The following RHOT1 variants were observed in gnomAD, a reference collection of about 807,000 sequenced individuals.
The protein encoded by RHOT1 is mitochondrial Rho GTPase 1.
Under a neutral mutation model 95.3 loss-of-function variants are expected in RHOT1, and 27 were observed. The observed-to-expected ratio is 0.28, with a 90% confidence interval of 0.21 to 0.39. RHOT1 has a LOEUF of 0.39. Among genes scored for constraint, RHOT1 ranks in the 10% least tolerant of loss-of-function variants. The pLI is 1.00. For missense variants in RHOT1, 578 were observed against 786.7 expected, an observed-to-expected ratio of 0.73 and a Z score of 3.17; for synonymous variants, 227 against 263.5, an observed-to-expected ratio of 0.86 and a Z score of 1.34.
intron 6 of RHOT1, among the ~76,000 whole-genome samples, chr17:32,178,527 T>C (rs1598363689): frequency 1.3e-5 from 2 of 152,104 alleles, no homozygotes; most frequent in East Asian, 3.9e-4. Flanking sequence ...AGTGGTGGGA[T>C]CTCGGCTCGC....
chr17:32,214,478 C>T (rs1167321073), intron 19 of RHOT1, among the ~76,000 whole-genome samples: 1 of 152,288 alleles, frequency 6.6e-6, no homozygotes, highest in South Asian at 2.1e-4. Flanking sequence ...CTTGCAACCT[C>T]AGTCTTAAGG....
rs137977243 is a variant in RHOT1 at position 32,206,393 on chromosome 17, A to G, written c.1417-517A>G. Among the ~76,000 whole-genome samples the G allele has an allele frequency of 5.7e-3, 677 of 118,428 alleles. 3 individuals carry two copies. The highest frequency in any genetic ancestry group is 0.015 in the Middle Eastern group (2 of 136). 77.7% of individuals were successfully genotyped at this position (118,428 alleles called of 152,430 possible). ...GCTAAGCTTCCACAGAATCTTAATC[A>G]CCATTTTTAGTCTGCAGAATCAGAA... On this transcript the variant is annotated intron_variant, in intron 16 of 19. Transcript: ENST00000545287.
intron 1 of RHOT1, among the ~76,000 whole-genome samples, chr17:32,161,269 C>T (rs796810325): frequency 1.3e-5 from 2 of 152,164 alleles, no homozygotes; most frequent in Non-Finnish European, 2.9e-5. Context: ...AAACGTTCCT[C>T]GTGCTCAGTC....
At chr17:32,194,991 AATTTTTTGTAT>A (rs1415448558) in intron 11 of RHOT1, among the ~76,000 whole-genome samples, 1 of 151,816 alleles carries the variant, frequency 6.6e-6, no homozygotes, top group Middle Eastern at 3.2e-3. Context: ...ATGCCCGGCT[AATTTTTTGTAT>A]ATTTAGTAGA....
intron 19 of RHOT1, 103 bp from the exon 20 acceptor site, chr17:32,224,513 G>A: frequency 1.5e-6 from 1 of 683,014 alleles, no homozygotes; most frequent in Non-Finnish European, 2.5e-6. Context: ...CAGTTAGCTT[G>A]ACAAGTGTGC....
intron 19 of RHOT1, among the ~76,000 whole-genome samples, chr17:32,212,042 G>T (rs141967765): frequency 1.3e-5 from 2 of 152,288 alleles, no homozygotes; most frequent in East Asian, 3.9e-4. Flanking sequence ...ATACTAATTT[G>T]TACCTGATGT....
Position 32,211,313 on chromosome 17 carries a change from T to C in RHOT1, c.1862+75T>C, listed in dbSNP as rs536883620. 4.4e-6 allele frequency: 6 copies of C among 1,367,742 alleles called. No homozygotes were observed. In the South Asian group the frequency reaches 8.2e-5, roughly 19 times the overall value. The allele number at this position is 1,367,742 out of a possible 1,614,324, so 84.7% of individuals were successfully genotyped here. ...GAAAAAAGCGGATAACTATTTATTA[T>C]ACAGATACTCACTACAAAGACAAGC... On this transcript the variant is annotated intron_variant, in intron 19 of 19. Coordinates refer to ENST00000545287, the MANE Select transcript of RHOT1 (RefSeq NM_001033566.3).
At chr17:32,203,769 T>A in intron 15 of RHOT1, 121 bp from the exon 16 acceptor site, 2 of 690,386 alleles carry the variant, frequency 2.9e-6, no homozygotes, top group Admixed American at 5.3e-5. Flanking sequence ...TGATAAATAG[T>A]ACACAGTGTA....
chr17:32,142,754 C>T, intron 1 of RHOT1, 25 bp downstream of exon 1: 1 of 1,494,886 alleles, frequency 6.7e-7, no homozygotes, highest in Non-Finnish European at 8.9e-7. Flanking sequence ...TCTGGCCGGC[C>T]CCTGAGTCCC....
intron 1 of RHOT1, chr17:32,151,031 AG>A: frequency 6.9e-7 from 1 of 1,454,200 alleles, no homozygotes; most frequent in Non-Finnish European, 9.5e-7. Context: ...GTGGGGGAAG[AG>A]GGGAGATTGT....
intron 1 of RHOT1, among the ~76,000 whole-genome samples, chr17:32,150,019 G>A (rs886415216): frequency 6.6e-6 from 1 of 151,926 alleles, no homozygotes; most frequent in South Asian, 2.1e-4. Context: ...CCAAAGTGCT[G>A]GTATTACAGG....
intron 19 of RHOT1, among the ~76,000 whole-genome samples, chr17:32,214,141 G>A (rs1001157908): frequency 2.0e-5 from 3 of 152,288 alleles, no homozygotes; most frequent in East Asian, 3.9e-4. Context: ...GTTTCTTCTA[G>A]TTTATGAAAG....
intron 8 of RHOT1, among the ~76,000 whole-genome samples, chr17:32,187,811 T>C (rs2036170816): frequency 1.3e-5 from 2 of 152,204 alleles, no homozygotes; most frequent in South Asian, 4.1e-4. Context: ...TTAGGTGATC[T>C]GCCTGCCTTG....
At chr17:32,205,376 C>A (rs1418805684) in intron 16 of RHOT1, among the ~76,000 whole-genome samples, 1 of 152,068 alleles carries the variant, frequency 6.6e-6, no homozygotes, top group African/African-American at 2.4e-5. Flanking sequence ...CTGCATACTT[C>A]TATTTTTTTA....
At chr17:32,191,084 C>G (rs376490191) in intron 8 of RHOT1, among the ~76,000 whole-genome samples, 1 of 152,112 alleles carries the variant, frequency 6.6e-6, no homozygotes, top group African/African-American at 2.4e-5. Context: ...TGTGAGCCAC[C>G]GCGCCCAGCC....
At position 32,211,151 on chromosome 17, in the gene RHOT1, G is replaced by A; in HGVS notation, c.1775G>A (p.Arg592Lys). The change falls in exon 19 of 20, where the codon AGG becomes AAG. Residue 592 changes from arginine to lysine, a missense_variant. This residue lies in a region of RHOT1 where 296 missense variants were observed against 338.5 expected (regional missense o/e 0.87). Transcript: ENST00000545287. ...ARLRCMCTCN[R>K]CTFCICQNFL... ...TTACGCTGTATGTGCACCTGCAACA[G>A]GTGTACATTTTGCATCTGTCAGAAC... 2 of 1,611,726 alleles carry A rather than the reference G, an allele frequency of 1.2e-6. No homozygotes were observed. Among genetic ancestry groups the A allele is most frequent in the Non-Finnish European group, 1.7e-6 (2 of 1,178,292 alleles).
rs2036622876 is a variant in RHOT1 at position 32,193,128 on chromosome 17, T to C, written c.640-8T>C. Reference sequence around the variant, plus strand: ...TGTTTTTAAATATATTTTTATGTTTTTTGCTAGAGGATTTGTTTCAACACT... The same window carrying C: ...TGTTTTTAAATATATTTTTATGTTTCTTGCTAGAGGATTTGTTTCAACACT... On this transcript the variant is annotated splice_polypyrimidine_tract_variant and splice_region_variant and intron_variant, in intron 9 of 19. Transcript: ENST00000545287. The C allele has an allele frequency of 2.6e-6, 4 of 1,555,382 alleles. No homozygotes were observed. Among genetic ancestry groups the C allele is most frequent in the Non-Finnish European group, 3.5e-6 (4 of 1,134,794 alleles).
In RHOT1 at chr17:32,183,154, A is replaced by C. The variant is rs772870014; in HGVS notation, c.439-17A>C. The C allele has an allele frequency of 5.1e-6, 8 of 1,562,300 alleles. No individual in the cohort carries two copies. The highest frequency in any genetic ancestry group is 1.8e-5 in the Admixed American group (1 of 56,464). On this transcript the variant is annotated splice_polypyrimidine_tract_variant and intron_variant, in intron 7 of 19. Coordinates refer to ENST00000545287, the MANE Select transcript of RHOT1 (RefSeq NM_001033566.3). ...CTCTCATAATTGATTTCAGAGTGTAAAATTTTATTTTTTCAGTGTTCAGCG... is the reference window on the plus strand; with the variant it reads ...CTCTCATAATTGATTTCAGAGTGTACAATTTTATTTTTTCAGTGTTCAGCG...
At chr17:32,198,634 A>G (rs1199502509) in intron 11 of RHOT1, among the ~76,000 whole-genome samples, 1 of 152,196 alleles carries the variant, frequency 6.6e-6, no homozygotes, top group African/African-American at 2.4e-5. Context: ...GATTGAGCCC[A>G]GGAGGTCGAG....
Sources: allele counts gnomAD v4.1 joint callset (sites outside exome capture counted in the v4.1 genomes callset), GRCh38; gene constraint gnomAD v4.1.1; regional missense constraint gnomAD v4.1.1; transcripts MANE v1.5; gene names NCBI Gene and HGNC (gene_info 2026-07-23, HGNC 2026-07-21).